Variants in RANBP17 observed in about 807,000 individuals in gnomAD.
RANBP17 encodes ran-binding protein 17.
In RANBP17, 158 loss-of-function variants were observed where a neutral mutation model predicts 141.2. The ratio of observed to expected loss-of-function variants is 1.12; its 90% confidence interval spans 0.98 to 1.28. The LOEUF (loss-of-function observed/expected upper bound fraction) is 1.28, where lower values mean the gene tolerates loss of function less well. RANBP17 is among the 50% of genes most tolerant of loss of function. The probability of loss-of-function intolerance (pLI) is 0.00; values close to 1 mark genes in which losing one functional copy is unlikely to be tolerated. For missense variants in RANBP17, 1,438 were observed against 1,290.7 expected, an observed-to-expected ratio of 1.11 and a Z score of -1.75; for synonymous variants, 430 against 450.0, an observed-to-expected ratio of 0.96 and a Z score of 0.56.
At chr5:171,211,531 G>C (rs752227494) in intron 20 of RANBP17, among the ~76,000 whole-genome samples, 1 of 151,910 alleles carries the variant, frequency 6.6e-6, no homozygotes, top group Non-Finnish European at 1.5e-5. Flanking sequence ...CAAAGTGCTA[G>C]GATTATAGGT....
intron 14 of RANBP17, among the ~76,000 whole-genome samples, chr5:171,134,979 A>G (rs1425969353): frequency 6.6e-6 from 1 of 151,684 alleles, no homozygotes; most frequent in Non-Finnish European, 1.5e-5. Context: ...GTAAAGAGAA[A>G]AGTTTAAGGC....
At chr5:171,220,835 C>G (rs1763512776) in intron 21 of RANBP17, among the ~76,000 whole-genome samples, 1 of 152,152 alleles carries the variant, frequency 6.6e-6, no homozygotes, top group Non-Finnish European at 1.5e-5. Flanking sequence ...CTATATTTCT[C>G]TAGAATTTAA....
chr5:171,170,248 T>A, intron 15 of RANBP17, 45 bp downstream of exon 15: 1 of 1,004,258 alleles, frequency 1.0e-6, no homozygotes, highest in Non-Finnish European at 1.5e-6. Flanking sequence ...GTTGTTGTTT[T>A]AAATGTAATA....
At chr5:171,127,567 A>G (rs984223438) in intron 14 of RANBP17, among the ~76,000 whole-genome samples, 1 of 152,248 alleles carries the variant, frequency 6.6e-6, no homozygotes, top group African/African-American at 2.4e-5. Context: ...GACATTTCTC[A>G]AAGAAGACAT....
rs1225903595 is a variant in RANBP17, at chr5:171,245,879, T to A, written c.2776+3059T>A. ...AGCCTTGGGAGTTTCTTCTCATACT[T>A]TTTTTTTTTTTTTTTTTGAGATGGA... On this transcript the variant is annotated intron_variant, in intron 24 of 27. Coordinates refer to ENST00000523189, the MANE Select transcript of RANBP17 (RefSeq NM_022897.5). 5.5e-5 allele frequency among the ~76,000 whole-genome samples: 8 copies of A among 144,604 alleles called. No homozygotes were observed. In the East Asian group the frequency reaches 1.6e-3, roughly 29 times the overall value. 94.9% of individuals were successfully genotyped at this position (144,604 alleles called of 152,430 possible).
At chr5:171,020,274 C>T (rs1780757078) in intron 14 of RANBP17, among the ~76,000 whole-genome samples, 1 of 152,102 alleles carries the variant, frequency 6.6e-6, no homozygotes, top group African/African-American at 2.4e-5. Flanking sequence ...CTGTGGATGT[C>T]TATTAGGTCC....
Position 170,928,913 on chromosome 5 carries a change from G to T in RANBP17, c.1468+4363G>T, listed in dbSNP as rs77107859. On this transcript the variant is annotated intron_variant, in intron 12 of 27. Coordinates refer to ENST00000523189, the MANE Select transcript of RANBP17 (RefSeq NM_022897.5). The stretch of plus-strand genomic sequence containing the variant: ...CAATCTATACATCAGTTTGGGCCAG[G>T]TTAACAACATTGAGGCCTGCAGTTC... 9.2e-5 allele frequency among the ~76,000 whole-genome samples: 14 copies of T among 151,914 alleles called. No individual in the cohort carries two copies. In the East Asian group the frequency reaches 2.7e-3, roughly 29 times the overall value.
At chr5:170,986,336 A>G (rs1347987034) in intron 14 of RANBP17, among the ~76,000 whole-genome samples, 1 of 152,016 alleles carries the variant, frequency 6.6e-6, no homozygotes, top group Non-Finnish European at 1.5e-5. Context: ...GCATGTTTAG[A>G]TCTTTTTTGT....
chr5:171,045,312 T>A (rs530643395), intron 14 of RANBP17, among the ~76,000 whole-genome samples: 1 of 152,236 alleles, frequency 6.6e-6, no homozygotes, highest in African/African-American at 2.4e-5. Context: ...GATATAACTA[T>A]ATGAATGAGA....
intron 5 of RANBP17, among the ~76,000 whole-genome samples, chr5:170,906,746 C>T (rs1031067784): frequency 6.6e-6 from 1 of 151,770 alleles, no homozygotes; most frequent in East Asian, 1.9e-4. Flanking sequence ...CTCAGATTTT[C>T]CAAGATTTGA....
intron 16 of RANBP17, among the ~76,000 whole-genome samples, chr5:171,174,525 T>G (rs1760308413): frequency 6.6e-6 from 1 of 152,156 alleles, no homozygotes. Context: ...AGTATCACAT[T>G]TTATCCAAAA....
intron 24 of RANBP17, among the ~76,000 whole-genome samples, chr5:171,257,795 C>G (rs528479883): frequency 1.3e-5 from 2 of 152,064 alleles, no homozygotes; most frequent in African/African-American, 4.8e-5. Context: ...TAGGCAGTGC[C>G]ATTTATAATA....
At chr5:171,145,021 A>G (rs1229775359) in intron 14 of RANBP17, among the ~76,000 whole-genome samples, 1 of 152,226 alleles carries the variant, frequency 6.6e-6, no homozygotes, top group Non-Finnish European at 1.5e-5. Context: ...ACAGTGTTAA[A>G]TTATTTGTGT....
chr5:171,226,835 A>T (rs967079248), intron 22 of RANBP17, among the ~76,000 whole-genome samples: 1 of 152,208 alleles, frequency 6.6e-6, no homozygotes, highest in African/African-American at 2.4e-5. Context: ...GAAGATTAAG[A>T]TTGTATACAG....
intron 14 of RANBP17, among the ~76,000 whole-genome samples, chr5:171,050,170 T>C (rs1782861885): frequency 6.6e-6 from 1 of 152,172 alleles, no homozygotes; most frequent in Non-Finnish European, 1.5e-5. Context: ...TCCTTCTTGC[T>C]ACCTTTAGAT....
chr5:170,992,257 A>G (rs1266961308), intron 14 of RANBP17, among the ~76,000 whole-genome samples: 1 of 151,914 alleles, frequency 6.6e-6, no homozygotes, highest in African/African-American at 2.4e-5. Flanking sequence ...TAAACTGGCT[A>G]TTAACTCTAT....
At chr5:171,234,386 C>G (rs749968639) in intron 22 of RANBP17, among the ~76,000 whole-genome samples, 3 of 152,012 alleles carry the variant, frequency 2.0e-5, no homozygotes, top group Non-Finnish European at 4.4e-5. Flanking sequence ...GACTTTAACT[C>G]TAAATAAAAT....
chr5:170,989,923 A>G (rs545735090), intron 14 of RANBP17, among the ~76,000 whole-genome samples: 5 of 151,928 alleles, frequency 3.3e-5, no homozygotes, highest in Admixed American at 6.6e-5. Flanking sequence ...GACAGAGGAA[A>G]TATGACAAAA....
At chr5:171,122,349 T>C (rs952997255) in intron 14 of RANBP17, among the ~76,000 whole-genome samples, 10 of 152,224 alleles carry the variant, frequency 6.6e-5, no homozygotes, top group Non-Finnish European at 1.5e-5. Context: ...CTTGCCTGTG[T>C]ATTTCAAGGA....
Sources: allele counts gnomAD v4.1 joint callset (sites outside exome capture counted in the v4.1 genomes callset), GRCh38; gene constraint gnomAD v4.1.1; transcripts MANE v1.5; gene names NCBI Gene and HGNC (gene_info 2026-07-23, HGNC 2026-07-21).